Variants in STXBP5L observed in about 807,000 individuals in gnomAD.
STXBP5L encodes the protein syntaxin binding protein 5L, also known as syntaxin-binding protein 5-like.
A neutral mutation model predicts 144.5 loss-of-function variants in STXBP5L; 65 were observed. That is an observed-to-expected ratio of 0.45 (90% CI 0.37 to 0.55). STXBP5L has a LOEUF of 0.55. Among genes scored for constraint, STXBP5L ranks in the 20% least tolerant of loss-of-function variants. STXBP5L has a pLI of 0.00. For synonymous variants in STXBP5L, 505 were observed against 469.6 expected, an observed-to-expected ratio of 1.08 and a Z score of -0.97; for missense variants, 1,298 against 1,405.5, an observed-to-expected ratio of 0.92 and a Z score of 1.22.
chr3:120,991,021 A>G (rs1431854315), intron 3 of STXBP5L, among the ~76,000 whole-genome samples: 1 of 152,132 alleles, frequency 6.6e-6, no homozygotes, highest in East Asian at 1.9e-4. Flanking sequence ...AGCAAAAGAA[A>G]CTACCATCAG....
chr3:121,296,469 C>A (rs547293129), intron 19 of STXBP5L, among the ~76,000 whole-genome samples: 1 of 152,240 alleles, frequency 6.6e-6, no homozygotes, highest in East Asian at 1.9e-4. Context: ...CCTTAATCCC[C>A]ATGGTAGGAA....
intron 7 of STXBP5L, among the ~76,000 whole-genome samples, chr3:121,131,518 C>T (rs1248708964): frequency 6.6e-6 from 1 of 152,024 alleles, no homozygotes; most frequent in Non-Finnish European, 1.5e-5. Flanking sequence ...ATATGGCCTG[C>T]CTGTTATTAT....
At chr3:121,136,211 C>T (rs2045250539) in intron 7 of STXBP5L, among the ~76,000 whole-genome samples, 1 of 152,164 alleles carries the variant, frequency 6.6e-6, no homozygotes, top group Admixed American at 6.5e-5. Flanking sequence ...AAAAATCATT[C>T]ACTTGGCGAA....
chr3:121,089,025 T>G (rs1212215789), intron 5 of STXBP5L, among the ~76,000 whole-genome samples: 1 of 101,616 alleles, frequency 9.8e-6, no homozygotes, highest in Non-Finnish European at 1.8e-5. Context: ...CACACCAGCA[T>G]GGCACATGTA....
chr3:121,348,351 C>G (rs539411156), intron 20 of STXBP5L, among the ~76,000 whole-genome samples: 2 of 152,168 alleles, frequency 1.3e-5, no homozygotes, highest in Admixed American at 1.3e-4. Context: ...CTGCTGGATT[C>G]GGTTTGCCAG....
At chr3:121,201,502 C>T (rs567302425) in intron 9 of STXBP5L, among the ~76,000 whole-genome samples, 1 of 152,228 alleles carries the variant, frequency 6.6e-6, no homozygotes, top group East Asian at 1.9e-4. Flanking sequence ...GAGACTTTAG[C>T]CCATTTACAT....
At position 121,210,769 on chromosome 3, in the gene STXBP5L, T is replaced by C. The variant is rs569611569; in HGVS notation, c.956+4768T>C. Among the ~76,000 whole-genome samples the C allele has an allele frequency of 4.6e-5, 7 of 152,280 alleles. No individual in the cohort carries two copies. In the East Asian group the frequency reaches 1.4e-3, roughly 29 times the overall value. ...TGTGTGGTATTATTTCTGAGGCCTC[T>C]GTTCTGTTCCATTAGTCTATATCTC... On this transcript the variant is annotated intron_variant, in intron 10 of 26. Coordinates refer to ENST00000471454, the MANE Select transcript of STXBP5L (RefSeq NM_001308330.2).
chr3:121,293,256 C>T (rs2051514832), intron 19 of STXBP5L, among the ~76,000 whole-genome samples: 1 of 151,866 alleles, frequency 6.6e-6, no homozygotes, highest in Non-Finnish European at 1.5e-5. Flanking sequence ...CTATAGAATT[C>T]CAGGAAATGA....
chr3:121,070,340 C>G (rs1288358424), intron 5 of STXBP5L, among the ~76,000 whole-genome samples: 1 of 152,108 alleles, frequency 6.6e-6, no homozygotes, highest in East Asian at 1.9e-4. Flanking sequence ...ACTCACTGGG[C>G]CTCTAATAAA....
At chr3:121,218,096 T>C (rs1275404965) in intron 10 of STXBP5L, among the ~76,000 whole-genome samples, 3 of 141,670 alleles carry the variant, frequency 2.1e-5, no homozygotes, top group Non-Finnish European at 4.5e-5. Context: ...ATATATAGTA[T>C]AATATATAAT....
At chr3:121,227,515 G>A (rs2049158155) in intron 11 of STXBP5L, among the ~76,000 whole-genome samples, 1 of 152,180 alleles carries the variant, frequency 6.6e-6, no homozygotes, top group South Asian at 2.1e-4. Context: ...CCAGGAGATG[G>A]AAGCTGCAGC....
At chr3:121,354,123 A>C (rs530656514) in intron 20 of STXBP5L, among the ~76,000 whole-genome samples, 1 of 152,162 alleles carries the variant, frequency 6.6e-6, no homozygotes, top group Non-Finnish European at 1.5e-5. Flanking sequence ...TTTTAGAATA[A>C]GTGCAATGTG....
intron 5 of STXBP5L, among the ~76,000 whole-genome samples, chr3:121,052,206 A>G (rs1342195211): frequency 6.6e-6 from 1 of 152,206 alleles, no homozygotes; most frequent in Non-Finnish European, 1.5e-5. Context: ...ATAGAAAAAG[A>G]GGGAATCCTC....
intron 3 of STXBP5L, among the ~76,000 whole-genome samples, chr3:120,985,350 T>C (rs757257771): frequency 6.6e-6 from 1 of 152,106 alleles, no homozygotes; most frequent in African/African-American, 2.4e-5. Flanking sequence ...TATTTTGATG[T>C]ATGTATACAT....
chr3:121,020,464 G>C (rs1945467453), intron 3 of STXBP5L, among the ~76,000 whole-genome samples: 1 of 152,174 alleles, frequency 6.6e-6, no homozygotes, highest in African/African-American at 2.4e-5. Flanking sequence ...ATAGTTATCG[G>C]TTATCTAAAA....
At chr3:121,016,629 G>T (rs1055143250) in intron 3 of STXBP5L, among the ~76,000 whole-genome samples, 1 of 152,126 alleles carries the variant, frequency 6.6e-6, no homozygotes, top group Non-Finnish European at 1.5e-5. Flanking sequence ...GTTTCAAAAG[G>T]TGTAACATAG....
chr3:121,121,208 T>C lies in STXBP5L; in HGVS notation c.606-433T>C, dbSNP rs72956079. Among the ~76,000 whole-genome samples the C allele has an allele frequency of 2.6e-3, 394 of 151,314 alleles. 2 individuals are homozygous for C. The highest frequency in any genetic ancestry group is 8.9e-3 in the African/African-American group (368 of 41,482). On this transcript the variant is annotated intron_variant, in intron 6 of 26. Coordinates refer to ENST00000471454, the MANE Select transcript of STXBP5L (RefSeq NM_001308330.2). ...CACTGTACTTTTCTTTAGGGGAAAA[T>C]AATCAGAGGAGATTTCGTGTAAAAG...
chr3:121,174,172 C>T (rs2046841905), intron 9 of STXBP5L, among the ~76,000 whole-genome samples: 1 of 152,174 alleles, frequency 6.6e-6, no homozygotes, highest in Admixed American at 6.6e-5. Context: ...TTTAATACTG[C>T]ATCTTTACAG....
intron 3 of STXBP5L, among the ~76,000 whole-genome samples, chr3:120,965,963 C>T (rs1559922440): frequency 6.6e-6 from 1 of 152,158 alleles, no homozygotes. Context: ...TTCTTAAAGG[C>T]TTTGTTCGTT....
Sources: allele counts gnomAD v4.1 joint callset (sites outside exome capture counted in the v4.1 genomes callset), GRCh38; gene constraint gnomAD v4.1.1; transcripts MANE v1.5; gene names NCBI Gene and HGNC (gene_info 2026-07-23, HGNC 2026-07-21).